The following ESRRB variants were observed in gnomAD, a reference collection of about 807,000 sequenced individuals.
ESRRB encodes estrogen related receptor beta.
ESRRB carries 16 observed loss-of-function variants against 46.0 expected under a neutral mutation model. The ratio of observed to expected loss-of-function variants is 0.35; its 90% CI spans 0.24 to 0.53. The LOEUF is 0.53. Ranked by LOEUF, ESRRB falls within the 20% of genes least tolerant of loss-of-function variation. ESRRB has a pLI of 0.93. For missense variants in ESRRB, 488 were observed against 607.4 expected, an observed-to-expected ratio of 0.80 and a Z score of 2.07; for synonymous variants, 246 against 259.6, an observed-to-expected ratio of 0.95 and a Z score of 0.50.
chr14:76,356,326 CTAAG>C (rs1884378109), intron 1 of ESRRB, among the ~76,000 whole-genome samples: 1 of 152,204 alleles, frequency 6.6e-6, no homozygotes, highest in Non-Finnish European at 1.5e-5. Flanking sequence ...ATGTGCTTGT[CTAAG>C]TGTTTTCTCC....
chr14:76,431,581 C>T (rs1887448098), intron 1 of ESRRB, among the ~76,000 whole-genome samples: 1 of 152,056 alleles, frequency 6.6e-6, no homozygotes, highest in African/African-American at 2.4e-5. Context: ...AGGCCCAGGG[C>T]AGAGATGAGT....
chr14:76,457,560 C>T (rs1053539366), intron 2 of ESRRB, among the ~76,000 whole-genome samples: 4 of 151,928 alleles, frequency 2.6e-5, no homozygotes, highest in Non-Finnish European at 5.9e-5. Context: ...GACACTCCTA[C>T]TGTAAGATCT....
chr14:76,447,671 C>CCTCCATGTA (rs1888209106), intron 2 of ESRRB, among the ~76,000 whole-genome samples: 1 of 152,098 alleles, frequency 6.6e-6, no homozygotes, highest in Non-Finnish European at 1.5e-5. Context: ...ATGTTCAAGC[C>CCTCCATGTA]AGACACCTGG....
intron 1 of ESRRB, among the ~76,000 whole-genome samples, chr14:76,416,190 C>T (rs536856500): frequency 1.4e-3 from 205 of 142,002 alleles, no homozygotes; most frequent in Non-Finnish European, 2.6e-3. Context: ...GGCTAGAGTG[C>T]AGTGGTGTGA....
chr14:76,408,591 CAAAAAAAAAAA>C (rs35955826), intron 1 of ESRRB, among the ~76,000 whole-genome samples: 12 of 42,152 alleles, frequency 2.8e-4, no homozygotes, highest in East Asian at 2.3e-3. Flanking sequence ...GACCCTGTCT[CAAAAAAAAAAA>C]AAAAAAAAAA....
chr14:76,456,105 A>G (rs55946934), intron 2 of ESRRB, among the ~76,000 whole-genome samples: 5 of 151,628 alleles, frequency 3.3e-5, no homozygotes, highest in Non-Finnish European at 7.4e-5. Flanking sequence ...AGAATTGTCC[A>G]TCAGGATTTG....
intron 1 of ESRRB, among the ~76,000 whole-genome samples, chr14:76,438,802 A>AT (rs1887781569): frequency 6.6e-6 from 1 of 151,946 alleles, no homozygotes; most frequent in Non-Finnish European, 1.5e-5. Flanking sequence ...TAATCTGAAG[A>AT]TTTTTTGTTT....
At chr14:76,362,382 G>T (rs1044271870) in intron 1 of ESRRB, among the ~76,000 whole-genome samples, 1 of 152,136 alleles carries the variant, frequency 6.6e-6, no homozygotes, top group East Asian at 1.9e-4. Flanking sequence ...CCTAGCAACC[G>T]GCTTCATACC....
chr14:76,324,304 G>A (rs952081198), intron 1 of ESRRB, among the ~76,000 whole-genome samples: 8 of 152,168 alleles, frequency 5.3e-5, no homozygotes, highest in Non-Finnish European at 7.4e-5. Flanking sequence ...GAGCTGCCCC[G>A]GCAGGGAGGG....
intron 1 of ESRRB, among the ~76,000 whole-genome samples, chr14:76,356,358 T>G (rs1251598263): frequency 1.3e-5 from 2 of 152,112 alleles, no homozygotes; most frequent in African/African-American, 4.8e-5. Flanking sequence ...CCATTTAATC[T>G]CACAATCACT....
intron 1 of ESRRB, among the ~76,000 whole-genome samples, chr14:76,341,947 G>A (rs1834507786): frequency 1.3e-5 from 2 of 152,238 alleles, no homozygotes; most frequent in South Asian, 4.1e-4. Flanking sequence ...GTGGTACTCT[G>A]GCAAGAGTCC....
At chr14:76,327,337 T>C (rs551798796) in intron 1 of ESRRB, among the ~76,000 whole-genome samples, 2 of 152,344 alleles carry the variant, frequency 1.3e-5, no homozygotes, top group East Asian at 1.9e-4. Flanking sequence ...AAAGTGTCTA[T>C]GCTCATGTGA....
At chr14:76,475,614 T>C (rs1319643790) in intron 3 of ESRRB, among the ~76,000 whole-genome samples, 1 of 152,240 alleles carries the variant, frequency 6.6e-6, no homozygotes, top group African/African-American at 2.4e-5. Flanking sequence ...TATGCTGCAG[T>C]GAACATTGTC....
chr14:76,327,247 G>A (rs1166894478), intron 1 of ESRRB, among the ~76,000 whole-genome samples: 11 of 152,230 alleles, frequency 7.2e-5, no homozygotes, highest in Admixed American at 7.2e-4. Context: ...CCACGTGGGG[G>A]TGGGCTGAGC....
chr14:76,471,952 A>C (rs748324042), intron 3 of ESRRB, among the ~76,000 whole-genome samples: 4 of 152,200 alleles, frequency 2.6e-5, no homozygotes, highest in Non-Finnish European at 5.9e-5. Flanking sequence ...CCACAGACTA[A>C]GAAATGGAAG....
At position 76,500,847 on chromosome 14, in the gene ESRRB, G is replaced by A; in HGVS notation, c.*2389G>A. 9.7e-7 allele frequency: 1 copy of A among 1,026,536 alleles called. No homozygotes were observed. Among genetic ancestry groups the A allele is most frequent in the East Asian group, 2.4e-5 (1 of 42,086 alleles). 63.6% of individuals were successfully genotyped at this position (1,026,536 alleles called of 1,614,324 possible). ...GAGTGGGGCGGAAGTCCTGATGGTT[G>A]GTGTCCATGAGGTGGAAGCTGCTTT... On this transcript the variant is annotated 3_prime_UTR_variant, in exon 7 of 7. Coordinates refer to ENST00000644823, the MANE Select transcript of ESRRB (RefSeq NM_001379180.1).
At chr14:76,410,045 G>A (rs1886367514) in intron 1 of ESRRB, among the ~76,000 whole-genome samples, 1 of 152,116 alleles carries the variant, frequency 6.6e-6, no homozygotes, top group South Asian at 2.1e-4. Context: ...CCAACATGGT[G>A]AAACTCCGTC....
intron 1 of ESRRB, among the ~76,000 whole-genome samples, chr14:76,389,878 C>A (rs1885395664): frequency 6.6e-6 from 1 of 152,198 alleles, no homozygotes; most frequent in African/African-American, 2.4e-5. Context: ...TACGTTCTTG[C>A]CATCAATTTA....
At chr14:76,370,296 G>C (rs1884592135), upstream of ESRRB, among the ~76,000 whole-genome samples, 1 of 151,874 alleles carries the variant, frequency 6.6e-6, no homozygotes, top group African/African-American at 2.4e-5. Flanking sequence ...TACTTGGGAG[G>C]CTGAGGCAGG....
Sources: allele counts gnomAD v4.1 joint callset (sites outside exome capture counted in the v4.1 genomes callset), GRCh38; gene constraint gnomAD v4.1.1; transcripts MANE v1.5; gene names NCBI Gene and HGNC (gene_info 2026-07-23, HGNC 2026-07-21).